Variants in TSPAN11 observed in about 807,000 individuals in gnomAD.
TSPAN11 encodes tetraspanin 11, also known as tetraspanin-11.
TSPAN11 carries 29 observed loss-of-function variants against 32.9 expected under a neutral mutation model. The ratio of observed to expected loss-of-function variants is 0.88; its 90% CI spans 0.66 to 1.20. The LOEUF (loss-of-function observed/expected upper bound fraction) is 1.20. Among genes scored for constraint, TSPAN11 ranks in the 50% most tolerant of loss-of-function variants. The probability of loss-of-function intolerance (pLI) is 0.00; values close to 1 mark genes in which losing one functional copy is unlikely to be tolerated. For missense variants in TSPAN11, 283 were observed against 329.1 expected (o/e 0.86, Z 1.08); for synonymous variants, 140 against 141.3 (o/e 0.99, Z 0.07).
At chr12:30,956,288 A>G (rs1314302579) in intron 2 of TSPAN11, among the ~76,000 whole-genome samples, 1 of 152,232 alleles carries the variant, frequency 6.6e-6, no homozygotes, top group East Asian at 1.9e-4. Flanking sequence ...AAGCATAAAG[A>G]ATAGTTACGT....
intron 7 of TSPAN11, among the ~76,000 whole-genome samples, chr12:30,989,148 G>A (rs1467963779): frequency 6.6e-6 from 1 of 152,188 alleles, no homozygotes; most frequent in Non-Finnish European, 1.5e-5. Context: ...CTCCCAGGGA[G>A]ATTTTACTTG....
intron 7 of TSPAN11, among the ~76,000 whole-genome samples, chr12:30,986,532 G>C (rs991837767): frequency 2.6e-5 from 4 of 152,162 alleles, no homozygotes; most frequent in Non-Finnish European, 5.9e-5. Context: ...CTACACTAAG[G>C]GTTTCCAATA....
intron 4 of TSPAN11, 61 bp from the exon 5 acceptor site, chr12:30,979,505 G>A (rs764995076): frequency 9.9e-6 from 15 of 1,510,108 alleles, no homozygotes; most frequent in South Asian, 3.4e-5. Flanking sequence ...AAGTGGGCCC[G>A]GTGCCAGGGC....
intron 4 of TSPAN11, 135 bp downstream of exon 4, chr12:30,978,770 C>G: frequency 1.3e-6 from 1 of 789,668 alleles, no homozygotes; most frequent in Non-Finnish European, 2.1e-6. Flanking sequence ...CCGGCAATCC[C>G]CCTACATATC....
intron 3 of TSPAN11, among the ~76,000 whole-genome samples, chr12:30,974,560 T>C (rs1365210927): frequency 1.3e-5 from 2 of 152,216 alleles, no homozygotes; most frequent in Non-Finnish European, 2.9e-5. Context: ...TGCTGTCTCA[T>C]AGGTGTACTT....
chr12:30,991,859 T>G lies in TSPAN11; in HGVS notation c.706T>G (p.Cys236Gly). The G allele has an allele frequency of 6.2e-7, 1 of 1,614,204 alleles. No individual in the cohort carries two copies. The highest frequency in any genetic ancestry group is 8.5e-7 in the Non-Finnish European group (1 of 1,180,028). Reference protein sequence around the residue: ...VGIGVACLQICGMVLTCCLHQ... With the variant: ...VGIGVACLQIGGMVLTCCLHQ... ...CTCTGCTCTCTCCACCTGGCAGATCTGCGGGATGGTTCTCACCTGCTGCTT... is the reference window on the plus strand; with the variant it reads ...CTCTGCTCTCTCCACCTGGCAGATCGGCGGGATGGTTCTCACCTGCTGCTT... The change falls in exon 8 of 8, where the codon TGC becomes GGC. Residue 236 changes from cysteine (C) to glycine (G), a missense_variant. Coordinates refer to ENST00000546076, the MANE Select transcript of TSPAN11 (RefSeq NM_001370302.1).
At chr12:30,955,793 C>T (rs1394995017) in intron 2 of TSPAN11, among the ~76,000 whole-genome samples, 1 of 152,190 alleles carries the variant, frequency 6.6e-6, no homozygotes, top group Non-Finnish European at 1.5e-5. Context: ...GTGTCTCTGT[C>T]TTCACATGAT....
rs889291385 is a variant in TSPAN11 at position 30,995,661 on chromosome 12, A to G, written c.*3746A>G. On this transcript the variant is annotated 3_prime_UTR_variant, in exon 8 of 8. Transcript: ENST00000546076. ...CCACCCACCCTGTCACCCACCTGGA[A>G]AACATTCTTGATATACTGGCCATGC... 6.6e-6 allele frequency: 1 copy of G among 152,166 alleles called. No individual in the cohort carries two copies. Among genetic ancestry groups the G allele is most frequent in the Non-Finnish European group, 1.5e-5 (1 of 68,046 alleles). 9.4% of individuals were successfully genotyped at this position (152,166 alleles called of 1,614,324 possible). A position where few individuals can be genotyped will look rare whatever the true frequency, so the allele number is the denominator to read the frequency against.
chr12:30,997,099 C>T (rs1939429072), downstream of TSPAN11: 1 of 152,230 alleles, frequency 6.6e-6, no homozygotes. Flanking sequence ...GACCAACTCA[C>T]TCTACTGTGA....
chr12:30,997,788 G>C (rs1046392564), downstream of TSPAN11, among the ~76,000 whole-genome samples: 8 of 152,172 alleles, frequency 5.3e-5, no homozygotes, highest in Admixed American at 2.6e-4. Flanking sequence ...GGTGGTCAGG[G>C]GGGTGGCTGA....
chr12:31,009,662 G>A, the TSPAN11 span, among the ~76,000 whole-genome samples: 2 of 152,112 alleles, frequency 1.3e-5, no homozygotes, highest in Admixed American at 6.5e-5. Context: ...GCAGGAGAGG[G>A]GCCATCTGTC....
In TSPAN11 at chr12:30,951,278, A is replaced by C. The variant is rs78833827; in HGVS notation, c.-11-2703A>C. Among the ~76,000 whole-genome samples the C allele has an allele frequency of 6.3e-3, 953 of 152,356 alleles. 5 individuals are homozygous for C. Among genetic ancestry groups the C allele is most frequent in the African/African-American group, 0.022 (903 of 41,586 alleles). ...GCAGTGAATCCTGGCTATACCTAGC[A>C]GGACAGGAGGCTGGGAAATGTTGTC... On this transcript the variant is annotated intron_variant, in intron 1 of 7. Transcript: ENST00000546076.
rs557536653 is a variant in TSPAN11, at chr12:30,933,423, T to A, written c.-12+6627T>A. Among the ~76,000 whole-genome samples the A allele has an allele frequency of 3.3e-5, 5 of 152,336 alleles. No homozygotes were observed. The South Asian group carries it at 1.0e-3, about 32-fold the overall frequency. ...AAGACATTAATCTTCCCTCCATGTA[T>A]GTGACAGCCCAACCCCTAAACCAAA... On this transcript the variant is annotated intron_variant, in intron 1 of 7. Coordinates refer to ENST00000546076, the MANE Select transcript of TSPAN11 (RefSeq NM_001370302.1).
rs1938517469 is a variant in TSPAN11, at chr12:30,957,721, T to TTCCC, written c.84+3649_84+3650insCTCC. Reference sequence around the variant, plus strand: ...CCTCCCTCCCTCCTTCCTTCCTTCCTTCCTTCCCTCCTTCCCTCCCTCCCT... The same window carrying TTCCC: ...CCTCCCTCCCTCCTTCCTTCCTTCCTTCCCTCCTTCCCTCCTTCCCTCCCTCCCT... On this transcript the variant is annotated intron_variant, in intron 2 of 7. Transcript: ENST00000546076. 3.4e-5 allele frequency among the ~76,000 whole-genome samples: 2 copies of TTCCC among 58,996 alleles called. 1 individual carries two copies. Among genetic ancestry groups the TTCCC allele is most frequent in the African/African-American group, 1.8e-4 (2 of 10,888 alleles). 38.7% of individuals were successfully genotyped at this position (58,996 alleles called of 152,430 possible). A position where few individuals can be genotyped will look rare whatever the true frequency, so the allele number is the denominator to read the frequency against.
the TSPAN11 span, among the ~76,000 whole-genome samples, chr12:31,008,244 C>CT: frequency 4.6e-5 from 7 of 152,260 alleles, no homozygotes; most frequent in African/African-American, 1.4e-4. Context: ...TAAAACAGGC[C>CT]TTTAAATATT....
chr12:31,004,312 C>G, the TSPAN11 span, among the ~76,000 whole-genome samples: 5 of 152,204 alleles, frequency 3.3e-5, no homozygotes, highest in Admixed American at 2.6e-4. Context: ...GACTCCAGCT[C>G]TTTCTTCCTG....
At chr12:30,936,946 G>A (rs966609447) in intron 1 of TSPAN11, among the ~76,000 whole-genome samples, 6 of 152,336 alleles carry the variant, frequency 3.9e-5, no homozygotes, top group Non-Finnish European at 7.3e-5. Context: ...ACGAGTCGAT[G>A]AGGCCAAGGA....
chr12:30,952,011 C>G (rs1317541682), intron 1 of TSPAN11, among the ~76,000 whole-genome samples: 1 of 152,236 alleles, frequency 6.6e-6, no homozygotes. Context: ...TTCCCCACCA[C>G]TAATGACTGA....
At chr12:30,945,135 G>T (rs1413366156) in intron 1 of TSPAN11, among the ~76,000 whole-genome samples, 1 of 152,062 alleles carries the variant, frequency 6.6e-6, no homozygotes, top group Non-Finnish European at 1.5e-5. Flanking sequence ...CAGAAACCCT[G>T]CCTGTCCTCA....
Sources: gnomAD v4.1 joint callset for allele counts (sites outside exome capture counted in the v4.1 genomes callset) on GRCh38, gnomAD v4.1.1 for gene constraint, MANE v1.5 for transcripts, NCBI Gene and HGNC (gene_info 2026-07-23, HGNC 2026-07-21) for gene names.